Variants in SYNE3 observed in about 807,000 individuals in gnomAD.
The protein encoded by SYNE3 is spectrin repeat containing nuclear envelope family member 3.
SYNE3 carries 100 observed loss-of-function variants against 111.2 expected under a neutral mutation model. The observed-to-expected ratio is 0.90, with a 90% CI of 0.77 to 1.06. The LOEUF (loss-of-function observed/expected upper bound fraction) is 1.06. Among genes scored for constraint, SYNE3 ranks in the 50% least tolerant of loss-of-function variants. The pLI is 0.00. For missense variants in SYNE3, 1,160 were observed against 1,240.3 expected (o/e 0.94, Z 0.97); for synonymous variants, 547 against 533.9 (o/e 1.02, Z -0.34).
chr14:95,443,333 C>A, intron 10 of SYNE3, 44 bp from the exon 11 acceptor site: 3 of 1,611,500 alleles, frequency 1.9e-6, no homozygotes, highest in Non-Finnish European at 2.5e-6. Flanking sequence ...TCCCACCTCT[C>A]CCTCCCTTGG....
rs1885896476 is a variant in SYNE3 at position 95,433,301 on chromosome 14, T to A, written c.2647A>T (p.Met883Leu). ...TCCTTCAGCTTGGACTTGTACAGCA[T>A]CCACTGGTAGCGCAGATCTTCCAGC... ...DELEDLRYQW[M>L]LYKSKLKDSG... Residue 883 changes from methionine to leucine, a missense_variant, in exon 16 of 18, where the codon ATG (methionine) becomes TTG (leucine). By Grantham distance (15) the Met-to-Leu change is conservative. Coordinates refer to ENST00000682763, the MANE Select transcript of SYNE3 (RefSeq NM_152592.6). 3 of 1,614,030 alleles carry A rather than the reference T, an allele frequency of 1.9e-6. No individual in the cohort carries two copies. The highest frequency in any genetic ancestry group is 2.5e-6 in the Non-Finnish European group (3 of 1,180,024).
intron 17 of SYNE3, among the ~76,000 whole-genome samples, chr14:95,422,386 G>A (rs866049603): frequency 6.6e-5 from 10 of 152,146 alleles, no homozygotes; most frequent in Admixed American, 5.2e-4. Context: ...GGAAGAAACT[G>A]AGTCTGGGAG....
chr14:95,467,686 C>T, intron 3 of SYNE3, 109 bp downstream of exon 3: 5 of 1,345,172 alleles, frequency 3.7e-6, no homozygotes, highest in Non-Finnish European at 5.1e-6. Context: ...TCCTGTCCCC[C>T]AGAATCCCAG....
intron 17 of SYNE3, 79 bp from the exon 18 acceptor site, chr14:95,418,105 G>A: frequency 1.4e-6 from 2 of 1,468,944 alleles, no homozygotes; most frequent in South Asian, 1.1e-5. Context: ...CGAGGAGGAT[G>A]CCAGGAGCGG....
chr14:95,418,037 A>C lies in SYNE3; in HGVS notation c.2728-11T>G. On this transcript the variant is annotated splice_polypyrimidine_tract_variant and intron_variant, in intron 17 of 17. Transcript: ENST00000682763. ...TCGCCACCGCCGAGTCTGCGGAACC[A>C]ACACAGCACAGGTGAGTGGGCTGGG... 1 of 1,606,538 alleles carries C rather than the reference A, an allele frequency of 6.2e-7. No homozygotes were observed. The highest frequency in any genetic ancestry group is 1.7e-5 in the Admixed American group (1 of 60,000).
chr14:95,431,363 G>T (rs117585110), intron 17 of SYNE3, among the ~76,000 whole-genome samples: 2 of 152,102 alleles, frequency 1.3e-5, no homozygotes, highest in African/African-American at 4.8e-5. Flanking sequence ...CTGTTTCCTC[G>T]CGCTGAAAGT....
Position 95,451,845 on chromosome 14 carries a change from C to T in SYNE3, c.1274+402G>A, listed in dbSNP as rs139906111. On this transcript the variant is annotated intron_variant, in intron 7 of 17. Coordinates refer to ENST00000682763, the MANE Select transcript of SYNE3 (RefSeq NM_152592.6). The stretch of plus-strand genomic sequence containing the variant: ...CTGGAGGTCCTGCTGTGCCTGAGCC[C>T]GGGGGCTGAGGGACACGTGGAGGCT... The T allele has an allele frequency of 4.5e-3, 707 of 157,076 alleles. 6 individuals carry two copies. The highest frequency in any genetic ancestry group is 0.015 in the African/African-American group (637 of 41,780). 9.7% of individuals were successfully genotyped at this position (157,076 alleles called of 1,614,324 possible).
chr14:95,447,054 G>A (rs906181320), intron 8 of SYNE3, among the ~76,000 whole-genome samples: 1 of 152,044 alleles, frequency 6.6e-6, no homozygotes, highest in Non-Finnish European at 1.5e-5. Flanking sequence ...AAAACACTGA[G>A]CTAGGCACGG....
intron 17 of SYNE3, among the ~76,000 whole-genome samples, chr14:95,429,528 T>A (rs1885625715): frequency 6.6e-6 from 1 of 152,150 alleles, no homozygotes; most frequent in Non-Finnish European, 1.5e-5. Context: ...ATCTATGTTT[T>A]ATCAAGCTGT....
chr14:95,422,651 A>T (rs898419172), intron 17 of SYNE3, among the ~76,000 whole-genome samples: 3 of 152,228 alleles, frequency 2.0e-5, no homozygotes, highest in Non-Finnish European at 2.9e-5. Context: ...GCCAGGTCTC[A>T]GTACCCACTA....
At chr14:95,475,506 G>C (rs773375806) in intron 2 of SYNE3, among the ~76,000 whole-genome samples, 172 bp downstream of exon 2, 4 of 152,018 alleles carry the variant, frequency 2.6e-5, no homozygotes, top group Non-Finnish European at 4.4e-5. Context: ...TCCATGACCC[G>C]ATCAGAGTCT....
chr14:95,457,454 G>C, intron 4 of SYNE3, 116 bp from the exon 5 acceptor site: 1 of 1,229,084 alleles, frequency 8.1e-7, no homozygotes, highest in Non-Finnish European at 1.1e-6. Context: ...GTTAGCAGGG[G>C]GTGCAACCAA....
intron 3 of SYNE3, among the ~76,000 whole-genome samples, chr14:95,467,371 G>T (rs1888253182): frequency 6.6e-6 from 1 of 152,126 alleles, no homozygotes; most frequent in African/African-American, 2.4e-5. Flanking sequence ...AAACCACATA[G>T]GAAGTAACCA....
intron 6 of SYNE3, among the ~76,000 whole-genome samples, chr14:95,452,898 T>A (rs996178890): frequency 6.6e-6 from 1 of 152,198 alleles, no homozygotes; most frequent in Non-Finnish European, 1.5e-5. Flanking sequence ...CGGTTATTAT[T>A]CTCGGCAGGC....
At chr14:95,451,912 C>T (rs1399387371) in intron 7 of SYNE3, 1 of 177,992 alleles carries the variant, frequency 5.6e-6, no homozygotes, top group Non-Finnish European at 1.2e-5. Context: ...CATCCGAAGG[C>T]AGGGGAATGG....
At chr14:95,454,145 G>T (rs893293522) in intron 6 of SYNE3, among the ~76,000 whole-genome samples, 2 of 152,250 alleles carry the variant, frequency 1.3e-5, no homozygotes, top group Non-Finnish European at 2.9e-5. Context: ...GTCATACCCA[G>T]CCCTCTGCTC....
rs550490264 is a variant in SYNE3 at position 95,482,545 on chromosome 14, G to A, written c.-14-6710C>T. 3.0e-4 allele frequency among the ~76,000 whole-genome samples: 46 copies of A among 152,188 alleles called. 1 individual carries two copies. The South Asian group carries it at 9.1e-3, about 30-fold the overall frequency. Reference sequence around the variant, plus strand: ...CAGGTCCTAACCCAATCTCGTTAGCGAACTCCCCTGAAACATGAGAGCAAG... The same window carrying A: ...CAGGTCCTAACCCAATCTCGTTAGCAAACTCCCCTGAAACATGAGAGCAAG... On this transcript the variant is annotated intron_variant, in intron 1 of 17. Coordinates refer to ENST00000682763, the MANE Select transcript of SYNE3 (RefSeq NM_152592.6).
chr14:95,449,743 C>A, intron 8 of SYNE3, 188 bp downstream of exon 8: 1 of 966,996 alleles, frequency 1.0e-6, no homozygotes, highest in Non-Finnish European at 1.2e-6. Context: ...GCCGAGCTGA[C>A]CTTTGTCAGT....
At chr14:95,495,203 A>G (rs1415944028) in intron 1 of SYNE3, among the ~76,000 whole-genome samples, 2 of 152,210 alleles carry the variant, frequency 1.3e-5, no homozygotes, top group Admixed American at 6.5e-5. Flanking sequence ...AAGCTTGCCA[A>G]TGTCTAATGA....
Sources: allele counts gnomAD v4.1 joint callset (sites outside exome capture counted in the v4.1 genomes callset), GRCh38; gene constraint gnomAD v4.1.1; transcripts MANE v1.5; gene names NCBI Gene and HGNC (gene_info 2026-07-23, HGNC 2026-07-21).